The following PLEK variants were observed in gnomAD, a reference collection of about 807,000 sequenced individuals.
The protein encoded by PLEK is platelet 47 kDa protein.
Under a neutral mutation model 43.9 loss-of-function variants are expected in PLEK, and 25 were observed. The ratio of observed to expected loss-of-function variants is 0.57; its 90% CI spans 0.41 to 0.79. The LOEUF (loss-of-function observed/expected upper bound fraction) is 0.79. Among genes scored for constraint, PLEK ranks in the 30% least tolerant of loss-of-function variants. The probability of loss-of-function intolerance (pLI) is 0.00; values close to 1 mark genes in which losing one functional copy is unlikely to be tolerated. For synonymous variants in PLEK, 152 were observed against 144.4 expected, an observed-to-expected ratio of 1.05 and a Z score of -0.38; for missense variants, 396 against 413.3, an observed-to-expected ratio of 0.96 and a Z score of 0.36.
At chr2:68,365,970 G>A (rs746285735) in intron 1 of PLEK, among the ~76,000 whole-genome samples, 2 of 152,024 alleles carry the variant, frequency 1.3e-5, no homozygotes, top group African/African-American at 4.8e-5. Context: ...ATGTGGCATC[G>A]AGGTGGTAGA....
At chr2:68,393,387 A>C in intron 7 of PLEK, 142 bp downstream of exon 7, 1 of 629,698 alleles carries the variant, frequency 1.6e-6, no homozygotes, top group Non-Finnish European at 2.9e-6. Context: ...ATTCTCCTCT[A>C]CCTTTTTCTA....
At chr2:68,374,010 A>G (rs1403369620) in intron 1 of PLEK, among the ~76,000 whole-genome samples, 1 of 152,346 alleles carries the variant, frequency 6.6e-6, no homozygotes, top group East Asian at 1.9e-4. Context: ...GGAAACTAGT[A>G]CCATTATTCA....
intron 1 of PLEK, among the ~76,000 whole-genome samples, chr2:68,374,566 A>T (rs1673467937): frequency 6.6e-6 from 1 of 152,184 alleles, no homozygotes; most frequent in Non-Finnish European, 1.5e-5. Context: ...AGGTACATGA[A>T]GGGTGTCATA....
chr2:68,380,734 G>T lies in PLEK; in HGVS notation c.210G>T (p.Lys70Asn), dbSNP rs1481285438. 1 of 1,613,332 alleles carries T rather than the reference G, an allele frequency of 6.2e-7. No homozygotes were observed. Among genetic ancestry groups the T allele is most frequent in the African/African-American group, 1.3e-5 (1 of 74,876 alleles). Residue 70 changes from lysine (K) to asparagine (N), a missense_variant, in exon 3 of 9, where the codon AAG becomes AAT. Physicochemically the swap from Lys to Asn is moderately conservative, Grantham distance 94. Coordinates refer to ENST00000234313, the MANE Select transcript of PLEK (RefSeq NM_002664.3). ...GTTTTGATTTTCAGTTTGTGTTTAA[G>T]ATCACTACGACCAAACAGCAGGACC... ...QDFGKRMFVF[K>N]ITTTKQQDHF...
In PLEK at chr2:68,380,484, G is replaced by T; in HGVS notation, c.198+1G>T. The T allele has an allele frequency of 6.2e-7, 1 of 1,613,138 alleles. No homozygotes were observed. The highest frequency in any genetic ancestry group is 8.5e-7 in the Non-Finnish European group (1 of 1,179,426). On this transcript the variant is annotated splice_donor_variant, in intron 2 of 8. Transcript: ENST00000234313. LOFTEE classifies it high-confidence loss of function. ...TTGTCAAGACTTTGGCAAAAGGATG[G>T]TAAGTTGACATCATGAGCTGCCGTG...
chr2:68,392,231 A>G (rs3770649), intron 6 of PLEK, among the ~76,000 whole-genome samples: 24,958 of 143,682 alleles, frequency 0.17, 2,653 homozygotes, highest in African/African-American at 0.34. Context: ...TTCTTCCTTC[A>G]TCATGTCTGT....
At chr2:68,375,198 T>C (rs978172671) in intron 1 of PLEK, among the ~76,000 whole-genome samples, 1 of 152,214 alleles carries the variant, frequency 6.6e-6, no homozygotes, top group Admixed American at 6.5e-5. Context: ...TGTCAAGTCT[T>C]ATTCTTCTCT....
At position 68,396,729 on chromosome 2, in the gene PLEK, G is replaced by T. The variant is rs1389819554; in HGVS notation, c.*913G>T. ...GTTTACAGAAAAAAAAAAGTGGCCA[G>T]ATGTGTTCCCCCCATGGGTGAGAGG... On this transcript the variant is annotated 3_prime_UTR_variant, in exon 9 of 9. Transcript: ENST00000234313. The T allele has an allele frequency of 6.6e-6, 1 of 152,086 alleles. No homozygotes were observed. Among genetic ancestry groups the T allele is most frequent in the Non-Finnish European group, 1.5e-5 (1 of 68,026 alleles). 9.4% of individuals were successfully genotyped at this position (152,086 alleles called of 1,614,324 possible). A position where few individuals can be genotyped will look rare whatever the true frequency, so the allele number is the denominator to read the frequency against.
intron 6 of PLEK, among the ~76,000 whole-genome samples, 159 bp from the exon 7 acceptor site, chr2:68,393,003 C>T (rs544374989): frequency 1.3e-4 from 20 of 152,316 alleles, no homozygotes; most frequent in Non-Finnish European, 1.8e-4. Context: ...CACTATCTCC[C>T]TGACAAAGAC....
At chr2:68,368,484 A>C (rs998038336) in intron 1 of PLEK, among the ~76,000 whole-genome samples, 6 of 152,184 alleles carry the variant, frequency 3.9e-5, no homozygotes, top group Non-Finnish European at 7.3e-5. Context: ...CATCTCATTG[A>C]TCCCAGGCAG....
intron 8 of PLEK, among the ~76,000 whole-genome samples, 161 bp downstream of exon 8, chr2:68,394,337 C>A (rs184210502): frequency 6.6e-6 from 1 of 152,090 alleles, no homozygotes; most frequent in African/African-American, 2.4e-5. Context: ...TTTGGGAGGC[C>A]GAGGAGGGCA....
intron 5 of PLEK, among the ~76,000 whole-genome samples, chr2:68,387,586 T>C (rs1260553324): frequency 6.6e-6 from 1 of 152,216 alleles, no homozygotes; most frequent in Non-Finnish European, 1.5e-5. Context: ...AACACTATAT[T>C]ATACAATGTG....
chr2:68,381,029 C>T lies in PLEK; in HGVS notation c.380+125C>T. On this transcript the variant is annotated intron_variant, in intron 3 of 8. Transcript: ENST00000234313. ...ATCCACTCTGCCAGGTCAATACTGG[C>T]ACTTGGTGTACTAAAATGTTTACCT... 5 of 793,068 alleles carry T rather than the reference C, an allele frequency of 6.3e-6. 1 individual carries two copies. In the South Asian group the frequency reaches 8.5e-5, roughly 13 times the overall value. The allele number at this position is 793,068 out of a possible 1,614,324, so 49.1% of individuals were successfully genotyped here. A position where few individuals can be genotyped will look rare whatever the true frequency, so the allele number is the denominator to read the frequency against.
In PLEK at chr2:68,395,914, C is replaced by T; in HGVS notation, c.*98C>T. Reference sequence around the variant, plus strand: ...CTGTGACAAATCAACGGGAAACAGCCCAGGGGTGGGAAGTTTTCATTTGCA... The same window carrying T: ...CTGTGACAAATCAACGGGAAACAGCTCAGGGGTGGGAAGTTTTCATTTGCA... On this transcript the variant is annotated 3_prime_UTR_variant, in exon 9 of 9. Transcript: ENST00000234313. The T allele has an allele frequency of 9.0e-7, 1 of 1,109,280 alleles. No individual in the cohort carries two copies. Among genetic ancestry groups the T allele is most frequent in the Non-Finnish European group, 1.3e-6 (1 of 748,692 alleles). 68.7% of individuals were successfully genotyped at this position (1,109,280 alleles called of 1,614,324 possible). A position where few individuals can be genotyped will look rare whatever the true frequency, so the allele number is the denominator to read the frequency against.
chr2:68,366,137 A>T (rs559440017), intron 1 of PLEK, among the ~76,000 whole-genome samples: 3 of 152,270 alleles, frequency 2.0e-5, no homozygotes, highest in Admixed American at 2.0e-4. Context: ...CACACATAGG[A>T]CTTGGTGTCC....
chr2:68,387,052 C>A (rs1415312484), intron 5 of PLEK, among the ~76,000 whole-genome samples: 1 of 152,158 alleles, frequency 6.6e-6, no homozygotes, highest in East Asian at 1.9e-4. Context: ...GTCACCCAGG[C>A]TGGAGTGCAG....
At chr2:68,392,356 T>A (rs953645552) in intron 6 of PLEK, among the ~76,000 whole-genome samples, 1 of 152,202 alleles carries the variant, frequency 6.6e-6, no homozygotes, top group Non-Finnish European at 1.5e-5. Flanking sequence ...CTTACCATCT[T>A]TTCCTGGGCT....
intron 1 of PLEK, among the ~76,000 whole-genome samples, chr2:68,376,992 T>C (rs1022359909): frequency 2.0e-5 from 3 of 152,174 alleles, no homozygotes; most frequent in Non-Finnish European, 4.4e-5. Context: ...TTTTGATTTT[T>C]AGATCTCACA....
chr2:68,389,464 G>A (rs903768970), intron 6 of PLEK, among the ~76,000 whole-genome samples: 1 of 152,196 alleles, frequency 6.6e-6, no homozygotes, highest in African/African-American at 2.4e-5. Flanking sequence ...GACCCTGAAT[G>A]TCCATCTTAG....
Sources: allele counts gnomAD v4.1 joint callset (sites outside exome capture counted in the v4.1 genomes callset), GRCh38; gene constraint gnomAD v4.1.1; transcripts MANE v1.5; gene names NCBI Gene and HGNC (gene_info 2026-07-23, HGNC 2026-07-21).